The following P2RY8 variants were observed in gnomAD, a reference collection of about 807,000 sequenced individuals.
P2RY8 encodes P2Y receptor family member 8.
A neutral mutation model predicts 10.0 loss-of-function variants in P2RY8; 6 were observed. The ratio of observed to expected loss-of-function variants is 0.60; its 90% CI spans 0.33 to 1.19. The LOEUF is 1.19. Ranked by LOEUF, P2RY8 falls within the 50% of genes most tolerant of loss-of-function variation. The pLI is 0.04. For synonymous variants in P2RY8, 276 were observed against 252.5 expected (o/e 1.09, Z -0.88); for missense variants, 456 against 542.0 (o/e 0.84, Z 1.58).
intron 1 of P2RY8, among the ~76,000 whole-genome samples, chrX:1,488,938 G>GGAAT (rs1227027130): frequency 4.6e-5 from 7 of 151,530 alleles, no homozygotes; most frequent in Non-Finnish European, 1.0e-4. Flanking sequence ...AAATGTGGAG[G>GGAAT]GAATGAATGA....
At chrX:1,480,475 A>T (rs149345238) in intron 1 of P2RY8, among the ~76,000 whole-genome samples, 4 of 149,792 alleles carry the variant, frequency 2.7e-5, no homozygotes, top group Admixed American at 2.0e-4. Flanking sequence ...GCAGCCTCGA[A>T]CTCCTGGCCT....
chrX:1,478,088 G>C (rs2091895394), intron 1 of P2RY8, among the ~76,000 whole-genome samples: 1 of 152,134 alleles, frequency 6.6e-6, no homozygotes, highest in Admixed American at 6.6e-5. Flanking sequence ...CCCTGAGCTG[G>C]GGTGGGGTCA....
intron 1 of P2RY8, among the ~76,000 whole-genome samples, chrX:1,483,136 T>C (rs1376764582): frequency 2.0e-5 from 3 of 152,192 alleles, no homozygotes; most frequent in Admixed American, 6.5e-5. Context: ...TAAAGATCGT[T>C]GCTCAGTGTG....
intron 1 of P2RY8, among the ~76,000 whole-genome samples, chrX:1,533,479 T>G (rs2092495726): frequency 7.0e-6 from 1 of 141,984 alleles, no homozygotes; most frequent in Non-Finnish European, 1.5e-5. Flanking sequence ...TTATTCTTTA[T>G]ATCTTATATA....
At chrX:1,511,681 A>C (rs1434516468) in intron 1 of P2RY8, among the ~76,000 whole-genome samples, 1 of 152,060 alleles carries the variant, frequency 6.6e-6, no homozygotes, top group East Asian at 1.9e-4. Flanking sequence ...CACCTTGCCC[A>C]ACCAATCTCG....
At chrX:1,506,830 A>T (rs2092238353) in intron 1 of P2RY8, among the ~76,000 whole-genome samples, 2 of 151,826 alleles carry the variant, frequency 1.3e-5, no homozygotes, top group Non-Finnish European at 2.9e-5. Flanking sequence ...GGCACCCGCC[A>T]CCACGCCCGG....
At chrX:1,504,028 G>T (rs757890905) in intron 1 of P2RY8, among the ~76,000 whole-genome samples, 1 of 151,466 alleles carries the variant, frequency 6.6e-6, no homozygotes, top group African/African-American at 2.4e-5. Context: ...TTAAAGATTT[G>T]GGAATTCTGC....
chrX:1,502,014 G>A lies in P2RY8; in HGVS notation c.-25+34907C>T, dbSNP rs769408050. On this transcript the variant is annotated intron_variant, in intron 1 of 1. Coordinates refer to ENST00000381297, the MANE Select transcript of P2RY8 (RefSeq NM_178129.5). ...CAACCTCCGCCTCCCGGGTTCAAACGATTGTCCTGCCTCGGCCTCTTGAAT... is the reference window on the plus strand; with the variant it reads ...CAACCTCCGCCTCCCGGGTTCAAACAATTGTCCTGCCTCGGCCTCTTGAAT... Among the ~76,000 whole-genome samples, 14 of 152,264 alleles carry A rather than the reference G, an allele frequency of 9.2e-5. No individual in the cohort carries two copies. In the East Asian group the frequency reaches 2.3e-3, roughly 25 times the overall value.
intron 1 of P2RY8, among the ~76,000 whole-genome samples, chrX:1,484,749 G>GAAAAAAAAAA (rs2091971981): frequency 1.5e-5 from 1 of 66,550 alleles, no homozygotes; most frequent in Non-Finnish European, 2.7e-5. Context: ...AAAAAAAAAA[G>GAAAAAAAAAA]AAGAAGAAGA....
chrX:1,524,033 A>G (rs1186795597), intron 1 of P2RY8, among the ~76,000 whole-genome samples: 2 of 152,208 alleles, frequency 1.3e-5, no homozygotes, highest in Non-Finnish European at 2.9e-5. Context: ...TCAATAAATT[A>G]AAACAAATAA....
At chrX:1,517,313 G>C (rs2092358850) in intron 1 of P2RY8, among the ~76,000 whole-genome samples, 3 of 152,044 alleles carry the variant, frequency 2.0e-5, no homozygotes, top group Admixed American at 2.0e-4. Context: ...GCCCAGGAGA[G>C]AGGCCTCAGG....
intron 1 of P2RY8, among the ~76,000 whole-genome samples, chrX:1,498,045 C>G (rs2092134193): frequency 6.6e-6 from 1 of 152,132 alleles, no homozygotes; most frequent in Non-Finnish European, 1.5e-5. Flanking sequence ...TCCCTGCGAG[C>G]TGATTCCTGG....
intron 1 of P2RY8, among the ~76,000 whole-genome samples, chrX:1,499,532 C>T (rs1373150210): frequency 2.0e-5 from 3 of 152,120 alleles, no homozygotes; most frequent in African/African-American, 7.2e-5. Flanking sequence ...TGCAAACTAT[C>T]ACCAGATCGC....
intron 1 of P2RY8, among the ~76,000 whole-genome samples, chrX:1,482,192 T>G (rs1359773621): frequency 3.2e-5 from 4 of 123,252 alleles, no homozygotes; most frequent in Non-Finnish European, 7.3e-5. Flanking sequence ...TGTGTGTGTA[T>G]GGGTGAGGAT....
chrX:1,508,252 C>A (rs1312453133), intron 1 of P2RY8, among the ~76,000 whole-genome samples: 1 of 152,164 alleles, frequency 6.6e-6, no homozygotes, highest in African/African-American at 2.4e-5. Context: ...ATTAACCAGG[C>A]TGAGTGTTGA....
intron 1 of P2RY8, among the ~76,000 whole-genome samples, chrX:1,507,558 T>C (rs753122886): frequency 6.6e-6 from 1 of 152,280 alleles, no homozygotes; most frequent in South Asian, 2.1e-4. Flanking sequence ...CCTGCAGTAC[T>C]GGCGACATAC....
At chrX:1,504,405 G>C (rs2092211040) in intron 1 of P2RY8, among the ~76,000 whole-genome samples, 1 of 152,068 alleles carries the variant, frequency 6.6e-6, no homozygotes, top group African/African-American at 2.4e-5. Flanking sequence ...ATGTGATGTA[G>C]ACCTGGATTT....
At chrX:1,520,641 C>G (rs1167642960) in intron 1 of P2RY8, among the ~76,000 whole-genome samples, 4 of 151,802 alleles carry the variant, frequency 2.6e-5, no homozygotes, top group African/African-American at 9.7e-5. Flanking sequence ...AATAATCTCT[C>G]TGATCCCAAT....
Position 1,468,753 on chromosome X carries a change from C to T in P2RY8, c.-24-2171G>A, listed in dbSNP as rs1407266888. On this transcript the variant is annotated intron_variant, in intron 1 of 1. Coordinates refer to ENST00000381297, the MANE Select transcript of P2RY8 (RefSeq NM_178129.5). ...CTCCTCTCTCCTCTCTCCTCTCTCC[C>T]CTCTCCCCTCTCCCCTCTCCCCTCT... 0.018 allele frequency among the ~76,000 whole-genome samples: 6 copies of T among 332 alleles called. No homozygotes were observed. In the South Asian group the frequency reaches 0.3, roughly 17 times the overall value. The allele number at this position is 332 out of a possible 152,430, so 0.2% of individuals were successfully genotyped here.
Sources: gnomAD v4.1 joint callset for allele counts (sites outside exome capture counted in the v4.1 genomes callset) on GRCh38, gnomAD v4.1.1 for gene constraint, MANE v1.5 for transcripts, NCBI Gene and HGNC (gene_info 2026-07-23, HGNC 2026-07-21) for gene names.